Variants in KRT75 observed in about 807,000 individuals in gnomAD.
The protein encoded by KRT75 is keratin 75, also known as keratin, type II cytoskeletal 75.
In KRT75, 35 loss-of-function variants were observed where a neutral mutation model predicts 48.8. The ratio of observed to expected loss-of-function variants is 0.72; its 90% CI spans 0.55 to 0.95. The LOEUF is 0.95. KRT75 is among the 40% of genes least tolerant of loss of function. The pLI is 0.00. For missense variants in KRT75, 776 were observed against 709.9 expected (o/e 1.09, Z -1.06); for synonymous variants, 301 against 282.3 (o/e 1.07, Z -0.66).
At chr12:52,432,211 C>G in intron 2 of KRT75, 145 bp from the exon 3 acceptor site, 1 of 702,660 alleles carries the variant, frequency 1.4e-6, no homozygotes, top group Non-Finnish European at 2.5e-6. Flanking sequence ...CATTTAACCT[C>G]TATTTCTCCC....
Position 52,426,820 on chromosome 12 carries a change from T to C in KRT75, c.1414A>G (p.Ile472Val). Residue 472 changes from isoleucine to valine, a missense_variant, in exon 8 of 9, where the codon ATT becomes GTT. By Grantham distance (29) the Ile-to-Val change is conservative. Transcript: ENST00000252245. ...LSGEGVSPVN[I>V]SVVTSTLSSG... Reference sequence around the variant, plus strand: ...CCAAGAAGTATGTCATACTCACAAATGTTAACTGGAGAAACTCCCTCTCCA... The same window carrying C: ...CCAAGAAGTATGTCATACTCACAAACGTTAACTGGAGAAACTCCCTCTCCA... The C allele has an allele frequency of 1.2e-6, 2 of 1,614,022 alleles. No homozygotes were observed. Among genetic ancestry groups the C allele is most frequent in the Non-Finnish European group, 1.7e-6 (2 of 1,179,952 alleles).
Position 52,434,189 on chromosome 12 carries a change from C to T in KRT75, c.116G>A (p.Arg39His), listed in dbSNP as rs143818894. Reference sequence around the variant, plus strand: ...CAGGCCCCCACTCCCTGCTGCAGAGCGGGCCACAGAGACAGAGCTGAAGCG... The same window carrying T: ...CAGGCCCCCACTCCCTGCTGCAGAGTGGGCCACAGAGACAGAGCTGAAGCG... ...RSRFSSVSVA[R>H]SAAGSGGLGR... The change falls in exon 1 of 9, where the codon CGC becomes CAC. Residue 39 changes from arginine (R) to histidine (H), a missense_variant. Coordinates refer to ENST00000252245, the MANE Select transcript of KRT75 (RefSeq NM_004693.3). The T allele has an allele frequency of 1.4e-4, 218 of 1,609,290 alleles. 2 individuals are homozygous for T. The South Asian group carries it at 2.0e-3, about 15-fold the overall frequency.
chr12:52,431,096 A>T (rs1040900030), intron 4 of KRT75, among the ~76,000 whole-genome samples: 1 of 151,496 alleles, frequency 6.6e-6, no homozygotes, highest in Non-Finnish European at 1.5e-5. Flanking sequence ...CTCCCTTTCC[A>T]CAGACCCAGG....
At chr12:52,426,030 C>T (rs755385141) in intron 8 of KRT75, among the ~76,000 whole-genome samples, 5 of 152,194 alleles carry the variant, frequency 3.3e-5, no homozygotes, top group African/African-American at 4.8e-5. Context: ...CTGGGTGGTT[C>T]AGAGGGCTCT....
At chr12:52,425,365 A>T (rs759473016) in intron 8 of KRT75, among the ~76,000 whole-genome samples, 6 of 152,236 alleles carry the variant, frequency 3.9e-5, no homozygotes, top group Non-Finnish European at 7.3e-5. Context: ...CCGTTATAGG[A>T]TGAATTGTGT....
In KRT75 at chr12:52,424,640, G is replaced by T. The variant is rs553522386; in HGVS notation, c.1533C>A (p.Ser511Arg). The change falls in exon 9 of 9, where the codon AGC (serine) becomes AGA (arginine). Residue 511 changes from serine (S) to arginine (R), a missense_variant. By Grantham distance (110) the Ser-to-Arg change is moderately radical. Transcript: ENST00000252245. ...CAGAACCTCCCAGGCCTGCACCCAG[G>T]CTATGCCCACCACTGGTGGTGAAGG... ...GYSFTTSGGHSLGAGLGGSGF... is the reference protein window; with the variant it reads ...GYSFTTSGGHRLGAGLGGSGF... 9 of 1,614,194 alleles carry T rather than the reference G, an allele frequency of 5.6e-6. No homozygotes were observed. Among genetic ancestry groups the T allele is most frequent in the Non-Finnish European group, 6.8e-6 (8 of 1,180,002 alleles).
At chr12:52,432,934 AG>A in intron 2 of KRT75, 103 bp downstream of exon 2, 1 of 1,183,376 alleles carries the variant, frequency 8.5e-7, no homozygotes, top group Admixed American at 1.8e-5. Context: ...GCAGTTCCAA[AG>A]CTCCCGGCTG....
chr12:52,431,455 G>T, intron 4 of KRT75, 88 bp downstream of exon 4: 1 of 997,288 alleles, frequency 1.0e-6, no homozygotes. Flanking sequence ...CTGGGCAGAG[G>T]CACTGAATGA....
At chr12:52,431,437 G>A in intron 4 of KRT75, 106 bp downstream of exon 4, 1 of 907,262 alleles carries the variant, frequency 1.1e-6, no homozygotes, top group Admixed American at 1.8e-5. Flanking sequence ...AAGTATCCAA[G>A]CAAGATGCTG....
At chr12:52,429,427 G>A (rs1331550890) in intron 5 of KRT75, among the ~76,000 whole-genome samples, 2 of 152,180 alleles carry the variant, frequency 1.3e-5, no homozygotes, top group Non-Finnish European at 2.9e-5. Context: ...TCCAGGACAT[G>A]TGAATTTAAG....
Position 52,434,021 on chromosome 12 carries a change from T to C in KRT75, c.284A>G (p.Asn95Ser), listed in dbSNP as rs1940184388. The C allele has an allele frequency of 3.1e-6, 5 of 1,614,068 alleles. No individual in the cohort carries two copies. In the South Asian group the frequency reaches 5.5e-5, roughly 18 times the overall value. Residue 95 changes from asparagine to serine, a missense_variant, in exon 1 of 9, where the codon AAC (asparagine) becomes AGC (serine). Asn to Ser is a conservative substitution (Grantham distance 46). Transcript: ENST00000252245. ...GGRASNRFGVNSGFGYGGGVG... is the reference protein window; with the variant it reads ...GGRASNRFGVSSGFGYGGGVG... ...TCCACCCCCATAGCCAAATCCACTGTTGACTCCAAACCTGTTGCTGGCCCT... is the reference window on the plus strand; with the variant it reads ...TCCACCCCCATAGCCAAATCCACTGCTGACTCCAAACCTGTTGCTGGCCCT...
intron 4 of KRT75, 148 bp from the exon 5 acceptor site, chr12:52,430,853 A>G (rs1408837939): frequency 1.1e-6 from 1 of 918,466 alleles, no homozygotes; most frequent in Non-Finnish European, 1.7e-6. Flanking sequence ...CATTCATCCC[A>G]AAAGATCAGT....
Position 52,434,219 on chromosome 12 carries a change from C to A in KRT75, c.86G>T (p.Arg29Leu), listed in dbSNP as rs201634971. Residue 29 changes from arginine to leucine, a missense_variant, in exon 1 of 9, where the codon CGC (arginine) becomes CTC (leucine). Arg to Leu is a moderately radical substitution (Grantham distance 102). Transcript: ENST00000252245. ...CACAGAGACAGAGCTGAAGCGGGAG[C>A]GGCCAGCTGCCGGGGTGATGGCCGA... is the stretch of plus-strand genomic sequence containing the variant. ...TTSAITPAAG[R>L]SRFSSVSVAR... is the part of the protein sequence containing the mutation. 2 of 1,595,706 alleles carry A rather than the reference C, an allele frequency of 1.3e-6. No homozygotes were observed. Among genetic ancestry groups the A allele is most frequent in the Admixed American group, 1.7e-5 (1 of 58,928 alleles).
chr12:52,428,181 G>C, intron 7 of KRT75, 75 bp downstream of exon 7: 1 of 1,567,862 alleles, frequency 6.4e-7, no homozygotes, highest in Admixed American at 1.7e-5. Context: ...GCAACAGCCC[G>C]AGCCCCTAGG....
chr12:52,424,323 C>T lies in KRT75; in HGVS notation c.*194G>A, dbSNP rs573299903. On this transcript the variant is annotated 3_prime_UTR_variant, in exon 9 of 9. Transcript: ENST00000252245. Reference sequence around the variant, plus strand: ...GCTTTGGTTTCACATGTGTAACAGACGGGTGCTGCTGGCAGTCTGGGCACT... The same window carrying T: ...GCTTTGGTTTCACATGTGTAACAGATGGGTGCTGCTGGCAGTCTGGGCACT... 103 of 704,712 alleles carry T rather than the reference C, an allele frequency of 1.5e-4. No homozygotes were observed. Among genetic ancestry groups the T allele is most frequent in the African/African-American group, 6.8e-4 (39 of 57,734 alleles). The allele number at this position is 704,712 out of a possible 1,614,324, so 43.7% of individuals were successfully genotyped here.
chr12:52,433,100 C>T lies in KRT75; in HGVS notation c.651G>A (p.Glu217=), dbSNP rs937073742. The change falls in exon 2 of 9, where the codon GAG becomes GAA. Residue 217 remains glutamate, a synonymous_variant. Coordinates refer to ENST00000252245, the MANE Select transcript of KRT75 (RefSeq NM_004693.3). ...TCAGTTCAGCTTCAAGCCTGCCCCT[C>T]TCGGTGGTGATGCTTTCCAGCTGCC... ...LRRQLESITT[E]RGRLEAELRN... is the part of the protein sequence containing the mutation. The T allele has an allele frequency of 3.7e-6, 6 of 1,613,958 alleles. No individual in the cohort carries two copies. Among genetic ancestry groups the T allele is most frequent in the Non-Finnish European group, 5.1e-6 (6 of 1,180,024 alleles).
chr12:52,427,838 T>C (rs55640432), intron 7 of KRT75, among the ~76,000 whole-genome samples: 2,340 of 152,276 alleles, frequency 0.015, 67 homozygotes, highest in African/African-American at 0.054. Flanking sequence ...TCTGACCTTT[T>C]CATTTTATCA....
chr12:52,426,256 C>A (rs1940074948), intron 8 of KRT75, among the ~76,000 whole-genome samples: 1 of 152,214 alleles, frequency 6.6e-6, no homozygotes, highest in African/African-American at 2.4e-5. Context: ...GCTACTGTAG[C>A]CAACTGCCAT....
intron 7 of KRT75, among the ~76,000 whole-genome samples, chr12:52,427,915 G>T (rs1486744117): frequency 2.6e-5 from 4 of 152,090 alleles, no homozygotes; most frequent in Non-Finnish European, 5.9e-5. Context: ...CTTAGTGTTA[G>T]ATCTGTAAGC....
Sources: gnomAD v4.1 joint callset for allele counts (sites outside exome capture counted in the v4.1 genomes callset) on GRCh38, gnomAD v4.1.1 for gene constraint, MANE v1.5 for transcripts, NCBI Gene and HGNC (gene_info 2026-07-23, HGNC 2026-07-21) for gene names.